The following ADAMTSL3 variants were observed in gnomAD, a reference collection of about 807,000 sequenced individuals.
ADAMTSL3 encodes the protein ADAMTS like 3.
ADAMTSL3 carries 128 observed loss-of-function variants against 201.7 expected under a neutral mutation model. The ratio of observed to expected loss-of-function variants is 0.63; its 90% CI spans 0.55 to 0.73. ADAMTSL3 has a LOEUF of 0.73. ADAMTSL3 is among the 30% of genes least tolerant of loss of function. The pLI is 0.00. For missense variants in ADAMTSL3, 1,990 were observed against 2,119.6 expected, an observed-to-expected ratio of 0.94 and a Z score of 1.20; for synonymous variants, 738 against 748.4, an observed-to-expected ratio of 0.99 and a Z score of 0.23.
intron 7 of ADAMTSL3, among the ~76,000 whole-genome samples, chr15:83,844,947 G>A (rs1229120839): frequency 6.6e-6 from 1 of 152,168 alleles, no homozygotes; most frequent in African/African-American, 2.4e-5. Context: ...TGGCCCCTGT[G>A]TTACATCATG....
intron 4 of ADAMTSL3, among the ~76,000 whole-genome samples, chr15:83,779,486 C>A (rs2141777910): frequency 6.6e-6 from 1 of 152,068 alleles, no homozygotes; most frequent in South Asian, 2.1e-4. Flanking sequence ...ATCACAAGGT[C>A]AGGAGATCGA....
chr15:83,679,862 G>T (rs750216874), intron 2 of ADAMTSL3, among the ~76,000 whole-genome samples: 8 of 152,130 alleles, frequency 5.3e-5, no homozygotes, highest in Non-Finnish European at 1.0e-4. Flanking sequence ...GTCCAGCAGT[G>T]GTTAAGGGGA....
At chr15:83,954,606 A>G (rs1375844398) in intron 19 of ADAMTSL3, among the ~76,000 whole-genome samples, 4 of 152,078 alleles carry the variant, frequency 2.6e-5, no homozygotes, top group Non-Finnish European at 5.9e-5. Context: ...TTATGTATTT[A>G]TTGTAGTCTT....
At chr15:83,935,344 C>T (rs1159418817) in intron 17 of ADAMTSL3, among the ~76,000 whole-genome samples, 1 of 151,998 alleles carries the variant, frequency 6.6e-6, no homozygotes, top group Non-Finnish European at 1.5e-5. Flanking sequence ...ATGACTAGTG[C>T]ATTCACTTGT....
intron 2 of ADAMTSL3, among the ~76,000 whole-genome samples, chr15:83,692,892 T>C (rs1306289495): frequency 6.6e-6 from 1 of 152,094 alleles, no homozygotes; most frequent in Non-Finnish European, 1.5e-5. Context: ...GGCTGCATTT[T>C]GAAAGCCTGC....
intron 7 of ADAMTSL3, among the ~76,000 whole-genome samples, chr15:83,845,101 G>A (rs1292671566): frequency 2.6e-5 from 4 of 152,190 alleles, no homozygotes; most frequent in African/African-American, 4.8e-5. Flanking sequence ...GCTCTTCAAC[G>A]TAGTTACCTC....
At chr15:83,947,779 T>G (rs1427242102) in intron 19 of ADAMTSL3, among the ~76,000 whole-genome samples, 6 of 152,232 alleles carry the variant, frequency 3.9e-5, no homozygotes, top group Non-Finnish European at 8.8e-5. Flanking sequence ...CCACTGTGGT[T>G]GATTCTGTGT....
At chr15:83,821,497 G>A (rs1001359748) in intron 6 of ADAMTSL3, among the ~76,000 whole-genome samples, 3 of 151,476 alleles carry the variant, frequency 2.0e-5, no homozygotes, top group Non-Finnish European at 4.4e-5. Context: ...GTCTTGCACC[G>A]CCCTTAATCC....
intron 13 of ADAMTSL3, among the ~76,000 whole-genome samples, chr15:83,895,382 T>C (rs1318192408): frequency 6.6e-6 from 1 of 152,224 alleles, no homozygotes; most frequent in Non-Finnish European, 1.5e-5. Context: ...ATATGTTTTA[T>C]GTTGGCTTTA....
chr15:83,983,230 C>G lies in ADAMTSL3; in HGVS notation c.3602C>G (p.Thr1201Arg), dbSNP rs774007220. The change falls in exon 21 of 30, where the codon ACA (threonine) becomes AGA (arginine). Residue 1201 changes from threonine to arginine, a missense_variant. Thr to Arg is a moderately conservative substitution (Grantham distance 71). Transcript: ENST00000286744. The stretch of plus-strand genomic sequence containing the variant: ...ACAATAAATTCCAGGATTGGAAATA[C>G]AGTATACATTACAAAAAGGACAGAG... ...NKTINSRIGN[T>R]VYITKRTEVI... The G allele has an allele frequency of 1.9e-6, 3 of 1,613,820 alleles. No homozygotes were observed. The highest frequency in any genetic ancestry group is 1.7e-5 in the Admixed American group (1 of 59,980).
intron 2 of ADAMTSL3, among the ~76,000 whole-genome samples, chr15:83,690,698 G>C (rs979470704): frequency 1.3e-5 from 2 of 152,146 alleles, no homozygotes; most frequent in African/African-American, 4.8e-5. Context: ...CCCAGACAGT[G>C]AGTTCCATGG....
intron 6 of ADAMTSL3, among the ~76,000 whole-genome samples, chr15:83,835,598 T>C (rs2064252387): frequency 6.6e-6 from 1 of 152,124 alleles, no homozygotes; most frequent in African/African-American, 2.4e-5. Flanking sequence ...AAATGCAGAG[T>C]GCTCAGGGAC....
chr15:84,021,010 C>T (rs2068195744), intron 25 of ADAMTSL3, among the ~76,000 whole-genome samples: 1 of 152,206 alleles, frequency 6.6e-6, no homozygotes, highest in Non-Finnish European at 1.5e-5. Flanking sequence ...TCTGCCTGAT[C>T]CACTTTTGAG....
intron 3 of ADAMTSL3, among the ~76,000 whole-genome samples, chr15:83,735,969 C>T (rs886313223): frequency 1.3e-5 from 2 of 152,042 alleles, no homozygotes; most frequent in African/African-American, 4.8e-5. Context: ...ATCCTGTTTG[C>T]TCTGCAGTAA....
intron 13 of ADAMTSL3, among the ~76,000 whole-genome samples, chr15:83,895,781 A>G (rs1051824370): frequency 3.3e-5 from 5 of 152,032 alleles, no homozygotes; most frequent in Admixed American, 3.3e-4. Flanking sequence ...TATTATATAT[A>G]TATATATCTC....
intron 7 of ADAMTSL3, among the ~76,000 whole-genome samples, chr15:83,849,222 G>A (rs1276509398): frequency 1.3e-5 from 2 of 152,130 alleles, no homozygotes; most frequent in East Asian, 1.9e-4. Context: ...GACCTTCTGG[G>A]TTCAAGGAAT....
chr15:83,734,546 A>G (rs2062338103), intron 3 of ADAMTSL3, among the ~76,000 whole-genome samples: 2 of 152,306 alleles, frequency 1.3e-5, no homozygotes, highest in East Asian at 1.9e-4. Flanking sequence ...AGCTGTAGCT[A>G]TTCAGCATCC....
chr15:83,908,946 C>T lies in ADAMTSL3; in HGVS notation c.1701-4146C>T, dbSNP rs969787580. On this transcript the variant is annotated intron_variant, in intron 15 of 29. Transcript: ENST00000286744. ...TTTGAATAATTGGCAGAATTCAGTT[C>T]CATGCATTTGTAGAACTGAGATCTT... Among the ~76,000 whole-genome samples, 5 of 152,136 alleles carry T rather than the reference C, an allele frequency of 3.3e-5. 1 individual carries two copies. The highest frequency in any genetic ancestry group is 1.3e-4 in the Admixed American group (2 of 15,272).
At chr15:83,991,007 A>G (rs2141834867) in intron 22 of ADAMTSL3, 79 bp from the exon 23 acceptor site, 2 of 1,592,532 alleles carry the variant, frequency 1.3e-6, no homozygotes, top group East Asian at 4.5e-5. Flanking sequence ...GGGCTCAACA[A>G]AGCTTACCAA....
Sources: allele counts gnomAD v4.1 joint callset (sites outside exome capture counted in the v4.1 genomes callset), GRCh38; gene constraint gnomAD v4.1.1; transcripts MANE v1.5; gene names NCBI Gene and HGNC (gene_info 2026-07-23, HGNC 2026-07-21).